PI4KB: variants seen among roughly 807,000 people sequenced by gnomAD.
The protein encoded by PI4KB is phosphatidylinositol 4-kinase beta.
A neutral mutation model predicts 81.4 loss-of-function variants in PI4KB; 23 were observed. That is an observed-to-expected ratio of 0.28 (90% CI 0.20 to 0.40). The LOEUF (loss-of-function observed/expected upper bound fraction) is 0.40. Ranked by LOEUF, PI4KB falls within the 10% of genes least tolerant of loss-of-function variation. The pLI, the probability that PI4KB is intolerant of heterozygous loss-of-function variation, is 1.00. For synonymous variants in PI4KB, 381 were observed against 406.8 expected (o/e 0.94, Z 0.76); for missense variants, 651 against 1,036.6 (o/e 0.63, Z 5.11).
In PI4KB at chr1:151,292,573, G is replaced by C. The variant is rs1694383336; in HGVS notation, c.*279C>G. 2.4e-6 allele frequency: 1 copy of C among 413,872 alleles called. No homozygotes were observed. Among genetic ancestry groups the C allele is most frequent in the Non-Finnish European group, 4.4e-6 (1 of 228,446 alleles). The allele number at this position is 413,872 out of a possible 1,614,324, so 25.6% of individuals were successfully genotyped here. A position where few individuals can be genotyped will look rare whatever the true frequency, so the allele number is the denominator to read the frequency against. Reference sequence around the variant, plus strand: ...AGTGTCCCTCACATTTGTCACCTCTGTTTTCTGGAGGGCAGTGAGTCCTGG... The same window carrying C: ...AGTGTCCCTCACATTTGTCACCTCTCTTTTCTGGAGGGCAGTGAGTCCTGG... On this transcript the variant is annotated 3_prime_UTR_variant, in exon 12 of 12. Coordinates refer to ENST00000368873, the MANE Select transcript of PI4KB (RefSeq NM_001369623.2).
At chr1:151,308,147 C>A (rs1018314371) in intron 3 of PI4KB, among the ~76,000 whole-genome samples, 9 of 152,232 alleles carry the variant, frequency 5.9e-5, no homozygotes, top group Non-Finnish European at 1.0e-4. Context: ...GCCAGGGCCA[C>A]AGAGAGAAGA....
Position 151,307,455 on chromosome 1 carries a change from G to A in PI4KB, c.1182+119C>T. 6.1e-6 allele frequency: 4 copies of A among 658,310 alleles called. No individual in the cohort carries two copies. The East Asian group carries it at 1.1e-4, about 18-fold the overall frequency. 40.8% of individuals were successfully genotyped at this position (658,310 alleles called of 1,614,324 possible). ...GAGTCATGGTTGACATATGCATCAT[G>A]AACTATGAAGGGAGTCTAGGATGTT... On this transcript the variant is annotated intron_variant, in intron 4 of 11. Coordinates refer to ENST00000368873, the MANE Select transcript of PI4KB (RefSeq NM_001369623.2).
At chr1:151,295,585 A>T (rs1694720773) in intron 9 of PI4KB, among the ~76,000 whole-genome samples, 1 of 152,248 alleles carries the variant, frequency 6.6e-6, no homozygotes, top group Non-Finnish European at 1.5e-5. Flanking sequence ...AAAGCTGCTT[A>T]GGACTACTTT....
Position 151,294,420 on chromosome 1 carries a change from CTG to C in PI4KB, c.2135_2136del (p.Thr712ArgfsTer18), listed in dbSNP as rs1352516666. On this transcript the variant is annotated frameshift_variant, in exon 10 of 12. Coordinates refer to ENST00000368873, the MANE Select transcript of PI4KB (RefSeq NM_001369623.2). LOFTEE classifies it high-confidence loss of function. ...CCTTCTTGACTCACATCCACAAACT[CTG>C]TGGTCAGCTTAAAGGCTGACGTCTC... Reference protein sequence around the residue: ...GFETSAFKLTTEFVDVMGGLD... With the variant: ...GFETSAFKLTXEFVDVMGGLD... 6.2e-7 allele frequency: 1 copy of C among 1,613,944 alleles called. No individual in the cohort carries two copies. Among genetic ancestry groups the C allele is most frequent in the South Asian group, 1.1e-5 (1 of 91,066 alleles).
intron 9 of PI4KB, among the ~76,000 whole-genome samples, chr1:151,298,059 A>G (rs986172156): frequency 1.3e-5 from 2 of 152,220 alleles, no homozygotes; most frequent in Non-Finnish European, 2.9e-5. Flanking sequence ...TGCCTCACCT[A>G]TATGTGTAGT....
chr1:151,316,316 A>G lies in PI4KB; in HGVS notation c.166T>C (p.Leu56=). The change falls in exon 2 of 12, where the codon TTG becomes CTG. Residue 56 remains leucine, a synonymous_variant. Coordinates refer to ENST00000368873, the MANE Select transcript of PI4KB (RefSeq NM_001369623.2). ...EVAQKACQEV[L]EKVKLLHGGV... ...CCATGCAAAAGCTTGACTTTCTCCA[A>G]CACCTCCTGGCAGGCCTTCTGGGCC... 1 of 1,614,028 alleles carries G rather than the reference A, an allele frequency of 6.2e-7. No individual in the cohort carries two copies. Among genetic ancestry groups the G allele is most frequent in the South Asian group, 1.1e-5 (1 of 91,062 alleles).
intron 11 of PI4KB, chr1:151,293,295 T>C (rs1471006944): frequency 2.2e-6 from 3 of 1,384,522 alleles, no homozygotes; most frequent in African/African-American, 2.9e-5. Context: ...TCAGTAAGGG[T>C]GGAGGGGCCC....
At position 151,310,347 on chromosome 1, in the gene PI4KB, G is replaced by A. The variant is rs587671553; in HGVS notation, c.910-92C>T. ...AAAGAATTTAGCTCCAACTTGGATC[G>A]TAACTGCTTCTCTAGTGAAGTTCTA... On this transcript the variant is annotated intron_variant, in intron 2 of 11. Coordinates refer to ENST00000368873, the MANE Select transcript of PI4KB (RefSeq NM_001369623.2). 2.6e-5 allele frequency: 21 copies of A among 803,286 alleles called. No homozygotes were observed. In the East Asian group the frequency reaches 2.7e-4, roughly 10 times the overall value. 49.8% of individuals were successfully genotyped at this position (803,286 alleles called of 1,614,324 possible).
chr1:151,298,788 GAGC>G lies in PI4KB; in HGVS notation c.2015+17_2015+19del, dbSNP rs1695012393. The G allele has an allele frequency of 1.9e-6, 3 of 1,605,136 alleles. No individual in the cohort carries two copies. Among genetic ancestry groups the G allele is most frequent in the Admixed American group, 1.7e-5 (1 of 59,914 alleles). On this transcript the variant is annotated intron_variant, in intron 9 of 11. Transcript: ENST00000368873. ...GAGAACCCTGGAGAAATGTTAGGATGAGCAGCAGAAGTCACCTACCTGTCCTTG... is the reference window on the plus strand; with the variant it reads ...GAGAACCCTGGAGAAATGTTAGGATGAGCAGAAGTCACCTACCTGTCCTTG...
intron 8 of PI4KB, chr1:151,301,002 C>T (rs973778170): frequency 2.0e-5 from 3 of 152,278 alleles, no homozygotes. Context: ...AAACCTAGCA[C>T]TCTAAAGTTC....
intron 3 of PI4KB, among the ~76,000 whole-genome samples, chr1:151,310,010 C>T (rs1383497779): frequency 2.0e-5 from 3 of 152,140 alleles, no homozygotes; most frequent in Non-Finnish European, 4.4e-5. Flanking sequence ...CTCATCTCAG[C>T]CTGGGCTCAG....
intron 9 of PI4KB, chr1:151,298,491 T>C (rs1404591098): frequency 3.4e-5 from 12 of 354,428 alleles, no homozygotes; most frequent in Non-Finnish European, 5.3e-5. Context: ...TTAATCACAT[T>C]CAATTATTTC....
Position 151,294,095 on chromosome 1 carries a change from A to G in PI4KB, c.2192T>C (p.Met731Thr). The change falls in exon 11 of 12, where the codon ATG becomes ACG. Residue 731 changes from methionine (M) to threonine (T), a missense_variant. This residue lies in a region of PI4KB where 70 missense variants were observed against 108.1 expected (regional missense o/e 0.65). Transcript: ENST00000368873. The stretch of plus-strand genomic sequence containing the variant: ...GGCAATCAGCCCTTGCAGCATCAGC[A>G]TCTTATAGTAGTTGAACATGTCGCC... ...LDGDMFNYYK[M>T]LMLQGLIAAR... The G allele has an allele frequency of 6.2e-7, 1 of 1,614,004 alleles. No individual in the cohort carries two copies. Among genetic ancestry groups the G allele is most frequent in the Non-Finnish European group, 8.5e-7 (1 of 1,179,950 alleles).
chr1:151,310,150 C>G, intron 3 of PI4KB, 61 bp downstream of exon 3: 3 of 1,220,648 alleles, frequency 2.5e-6, no homozygotes, highest in Non-Finnish European at 3.6e-6. Context: ...GACCTGGGGA[C>G]GGAGAGGAAA....
intron 8 of PI4KB, among the ~76,000 whole-genome samples, chr1:151,299,815 G>T (rs944571057): frequency 3.9e-5 from 6 of 152,118 alleles, no homozygotes; most frequent in Non-Finnish European, 8.8e-5. Context: ...CAACCCAGGG[G>T]TATCAGAAGA....
At chr1:151,294,171 G>A in intron 10 of PI4KB, 33 bp from the exon 11 acceptor site, 1 of 1,599,786 alleles carries the variant, frequency 6.3e-7, no homozygotes, top group East Asian at 2.2e-5. Flanking sequence ...TGTGCACAAG[G>A]GGTCTTACAC....
At chr1:151,306,411 C>G in intron 4 of PI4KB, 48 bp from the exon 5 acceptor site, 1 of 1,192,532 alleles carries the variant, frequency 8.4e-7, no homozygotes, top group South Asian at 1.2e-5. Context: ...CACCACTAAC[C>G]CCCAAATCTC....
intron 1 of PI4KB, among the ~76,000 whole-genome samples, chr1:151,317,440 C>T (rs1325510488): frequency 1.3e-5 from 2 of 152,028 alleles, no homozygotes; most frequent in Non-Finnish European, 2.9e-5. Flanking sequence ...CCTCAGCTTC[C>T]CAAGTATCCA....
rs1365480141 is a variant in PI4KB, at chr1:151,316,278, G to C, written c.204C>G (p.Val68=). ...KVKLLHGGVA[V]SSRGTPLELV... is the part of the protein sequence containing the mutation. ...ACTCCAGTGGGGTGCCTCTGCTAGA[G>C]ACTGCCACGCCTCCATGCAAAAGCT... Residue 68 remains valine, a synonymous_variant, in exon 2 of 12, where the codon GTC becomes GTG. Transcript: ENST00000368873. 1 of 1,614,188 alleles carries C rather than the reference G, an allele frequency of 6.2e-7. No homozygotes were observed. The highest frequency in any genetic ancestry group is 1.7e-5 in the Admixed American group (1 of 60,024).
Sources: gnomAD v4.1 joint callset for allele counts (sites outside exome capture counted in the v4.1 genomes callset) on GRCh38, gnomAD v4.1.1 for gene constraint, gnomAD v4.1.1 regional missense constraint, MANE v1.5 for transcripts, NCBI Gene and HGNC (gene_info 2026-07-23, HGNC 2026-07-21) for gene names.